CACNA2D3: variants seen among roughly 807,000 people sequenced by gnomAD.
CACNA2D3 encodes voltage-dependent calcium channel subunit alpha-2/delta-3.
In CACNA2D3, 60 loss-of-function variants were observed where a neutral mutation model predicts 160.6. That is an observed-to-expected ratio of 0.37 (90% CI 0.30 to 0.46). The LOEUF is 0.46. Among genes scored for constraint, CACNA2D3 ranks in the 20% least tolerant of loss-of-function variants. The pLI, the probability that CACNA2D3 is intolerant of heterozygous loss-of-function variation, is 1.00. For synonymous variants in CACNA2D3, 558 were observed against 492.9 expected (o/e 1.13, Z -1.75); for missense variants, 1,205 against 1,365.0 (o/e 0.88, Z 1.85).
chr3:54,940,441 AT>A (rs1441872077), intron 27 of CACNA2D3, among the ~76,000 whole-genome samples: 1 of 152,174 alleles, frequency 6.6e-6, no homozygotes, highest in Non-Finnish European at 1.5e-5. Context: ...TTCCTCACTG[AT>A]ATTTTATTAA....
chr3:54,712,767 A>G (rs1187476147), intron 11 of CACNA2D3, among the ~76,000 whole-genome samples: 1 of 152,162 alleles, frequency 6.6e-6, no homozygotes, highest in African/African-American at 2.4e-5. Context: ...TGCCCCTTCC[A>G]TCTGCAAAGC....
At chr3:54,551,251 C>T (rs1434672612) in intron 5 of CACNA2D3, among the ~76,000 whole-genome samples, 1 of 152,178 alleles carries the variant, frequency 6.6e-6, no homozygotes, top group Non-Finnish European at 1.5e-5. Flanking sequence ...CCATTTTACC[C>T]CAATGAGCTG....
At chr3:54,285,374 G>C (rs1338218655) in intron 2 of CACNA2D3, among the ~76,000 whole-genome samples, 1 of 152,218 alleles carries the variant, frequency 6.6e-6, no homozygotes, top group Non-Finnish European at 1.5e-5. Context: ...CGGCAGCGAG[G>C]CTGGGGGAGG....
intron 27 of CACNA2D3, among the ~76,000 whole-genome samples, chr3:54,954,310 A>G (rs1701828267): frequency 1.3e-5 from 2 of 152,176 alleles, no homozygotes; most frequent in Admixed American, 1.3e-4. Context: ...ACACTTCCCC[A>G]CTGAGTTGTC....
chr3:54,408,058 C>T (rs1165984519), intron 4 of CACNA2D3, among the ~76,000 whole-genome samples: 1 of 152,090 alleles, frequency 6.6e-6, no homozygotes, highest in Non-Finnish European at 1.5e-5. Flanking sequence ...CTTTCTTCTC[C>T]TAGAACTTAC....
Position 54,888,019 on chromosome 3 carries a change from C to T in CACNA2D3, c.2117C>T (p.Ala706Val), listed in dbSNP as rs767675990. 7 of 1,613,864 alleles carry T rather than the reference C, an allele frequency of 4.3e-6. No homozygotes were observed. The highest frequency in any genetic ancestry group is 5.1e-6 in the Non-Finnish European group (6 of 1,179,822). Residue 706 changes from alanine (A) to valine (V), a missense_variant, in exon 24 of 38, where the codon GCG becomes GTG. This residue lies in a region of CACNA2D3 where 911 missense variants were observed against 1,002.2 expected (regional missense o/e 0.91). Coordinates refer to ENST00000474759, the MANE Select transcript of CACNA2D3 (RefSeq NM_018398.3). ...GCGGTGGTGAGTGCCCCCATTGAAG[C>T]GTATTGGACCAGCCTGGCCCTCAAC... ...FDAVVSAPIE[A>V]YWTSLALNKS...
At chr3:54,603,576 G>T (rs1208683381) in intron 9 of CACNA2D3, among the ~76,000 whole-genome samples, 2 of 152,188 alleles carry the variant, frequency 1.3e-5, no homozygotes, top group African/African-American at 2.4e-5. Flanking sequence ...GCTGTTCGTT[G>T]TATGGTCTAA....
chr3:54,644,552 G>T (rs1448885560), intron 11 of CACNA2D3, among the ~76,000 whole-genome samples: 3 of 152,170 alleles, frequency 2.0e-5, no homozygotes, highest in South Asian at 2.1e-4. Context: ...CCATTATTTT[G>T]AATGTTAGCT....
intron 11 of CACNA2D3, among the ~76,000 whole-genome samples, chr3:54,726,018 C>G (rs571939166): frequency 6.6e-6 from 1 of 152,074 alleles, no homozygotes; most frequent in Admixed American, 6.6e-5. Context: ...AAAACCACAT[C>G]GTCTCAGTGG....
At chr3:54,258,143 T>C (rs1313131494) in intron 2 of CACNA2D3, among the ~76,000 whole-genome samples, 2 of 152,182 alleles carry the variant, frequency 1.3e-5, no homozygotes, top group Non-Finnish European at 2.9e-5. Flanking sequence ...GCTATCCTAG[T>C]GGAGTTGGGG....
At chr3:54,950,870 C>A (rs1274209107) in intron 27 of CACNA2D3, among the ~76,000 whole-genome samples, 1 of 152,082 alleles carries the variant, frequency 6.6e-6, no homozygotes, top group East Asian at 1.9e-4. Flanking sequence ...AAGGCAAGAG[C>A]AGGAGAGGAG....
chr3:55,008,746 C>A (rs1044229213), intron 33 of CACNA2D3, among the ~76,000 whole-genome samples: 3 of 152,074 alleles, frequency 2.0e-5, no homozygotes, highest in African/African-American at 7.2e-5. Context: ...AAACAAATGA[C>A]CAAATTTTGA....
At chr3:54,979,905 T>G (rs1702470311) in intron 29 of CACNA2D3, among the ~76,000 whole-genome samples, 1 of 152,186 alleles carries the variant, frequency 6.6e-6, no homozygotes. Flanking sequence ...AAAGCCACAA[T>G]TGATAAAGAA....
intron 34 of CACNA2D3, among the ~76,000 whole-genome samples, chr3:55,014,264 AATG>A (rs1373997499): frequency 6.7e-6 from 1 of 149,670 alleles, no homozygotes; most frequent in East Asian, 1.9e-4. Context: ...TGTGTGAGTT[AATG>A]ATGATTGTGA....
chr3:54,510,229 GATGGATGAATGGATGA>G (rs1180607347), intron 5 of CACNA2D3, among the ~76,000 whole-genome samples: 1 of 151,978 alleles, frequency 6.6e-6, no homozygotes, highest in Admixed American at 6.6e-5. Flanking sequence ...TGGATGGATG[GATGGATGAATGGATGA>G]ATGGATGAAG....
intron 18 of CACNA2D3, among the ~76,000 whole-genome samples, chr3:54,871,965 G>A (rs766322458): frequency 6.6e-6 from 1 of 152,202 alleles, no homozygotes; most frequent in Non-Finnish European, 1.5e-5. Flanking sequence ...CTGGGCAACA[G>A]CAGGCTCTGC....
intron 27 of CACNA2D3, among the ~76,000 whole-genome samples, chr3:54,935,944 G>C (rs1701318156): frequency 1.3e-5 from 2 of 152,150 alleles, no homozygotes; most frequent in Admixed American, 6.6e-5. Context: ...CCCTTTGTGA[G>C]TCCAATCATT....
intron 29 of CACNA2D3, among the ~76,000 whole-genome samples, chr3:54,976,479 T>G (rs1258602455): frequency 2.0e-5 from 3 of 152,008 alleles, no homozygotes; most frequent in African/African-American, 7.2e-5. Flanking sequence ...ACTTAAAGTA[T>G]AATAATAATA....
At chr3:54,463,322 T>G (rs1403044274) in intron 4 of CACNA2D3, among the ~76,000 whole-genome samples, 1 of 152,232 alleles carries the variant, frequency 6.6e-6, no homozygotes, top group African/African-American at 2.4e-5. Context: ...AATGTTGGCT[T>G]GCCTTGCTAG....
Sources: gnomAD v4.1 joint callset for allele counts (sites outside exome capture counted in the v4.1 genomes callset) on GRCh38, gnomAD v4.1.1 for gene constraint, gnomAD v4.1.1 regional missense constraint, MANE v1.5 for transcripts, NCBI Gene and HGNC (gene_info 2026-07-23, HGNC 2026-07-21) for gene names.